Variants in EYS observed in about 807,000 individuals in gnomAD.
The protein encoded by EYS is EGF-like photoreceptor maintenance factor, also known as protein eyes shut homolog.
EYS carries 250 observed loss-of-function variants against 282.1 expected under a neutral mutation model. The observed-to-expected ratio is 0.89, with a 90% CI of 0.80 to 0.98. The LOEUF is 0.98. Among genes scored for constraint, EYS ranks in the 50% least tolerant of loss-of-function variants. The probability of loss-of-function intolerance (pLI) is 0.00; values close to 1 mark genes in which losing one functional copy is unlikely to be tolerated. For synonymous variants in EYS, 1,355 were observed against 1,282.9 expected (o/e 1.06, Z -1.20); for missense variants, 4,016 against 3,709.0 (o/e 1.08, Z -2.15).
chr6:63,799,617 G>A (rs1770735585), intron 37 of EYS, among the ~76,000 whole-genome samples: 2 of 152,184 alleles, frequency 1.3e-5, no homozygotes, highest in African/African-American at 4.8e-5. Context: ...AAAAGAAATG[G>A]AAAGAATTTA....
intron 2 of EYS, among the ~76,000 whole-genome samples, chr6:65,553,805 C>T (rs1032973374): frequency 6.6e-6 from 1 of 151,970 alleles, no homozygotes; most frequent in African/African-American, 2.4e-5. Context: ...AAATCTCAAG[C>T]TGATTTTTAC....
At position 65,179,707 on chromosome 6, in the gene EYS, G is replaced by A. The variant is rs375438813; in HGVS notation, c.2023+116156C>T. On this transcript the variant is annotated intron_variant, in intron 12 of 42. Coordinates refer to ENST00000503581, the MANE Select transcript of EYS (RefSeq NM_001142800.2). ...GGGAATCCTCCCTAACTCATTTTAT[G>A]AGGCCAGTATCATCCTGATACCAAA... Among the ~76,000 whole-genome samples the A allele has an allele frequency of 9.6e-4, 146 of 152,212 alleles. 6 individuals carry two copies. In the South Asian group the frequency reaches 0.03, roughly 31 times the overall value.
chr6:65,098,060 G>A (rs1197032146), intron 12 of EYS, among the ~76,000 whole-genome samples: 1 of 150,062 alleles, frequency 6.7e-6, no homozygotes, highest in Non-Finnish European at 1.5e-5. Flanking sequence ...ATCTCAAAAT[G>A]TCCTACCAAT....
intron 26 of EYS, among the ~76,000 whole-genome samples, chr6:64,481,331 G>A (rs9451731): frequency 0.021 from 3,168 of 148,514 alleles, 60 homozygotes; most frequent in African/African-American, 0.053. Context: ...TTTTCAGAAT[G>A]ATAAAATAGT....
chr6:65,527,249 T>C (rs1767604197), intron 2 of EYS, among the ~76,000 whole-genome samples: 1 of 152,190 alleles, frequency 6.6e-6, no homozygotes, highest in South Asian at 2.1e-4. Flanking sequence ...TACAGACACC[T>C]ATATCACCTC....
chr6:64,449,964 G>C (rs538667651), intron 26 of EYS, among the ~76,000 whole-genome samples: 16 of 152,086 alleles, frequency 1.1e-4, no homozygotes, highest in East Asian at 3.9e-4. Context: ...AGCAAAATAA[G>C]CAGCTAACAT....
At chr6:65,002,556 G>T (rs1455748305) in intron 13 of EYS, among the ~76,000 whole-genome samples, 1 of 147,406 alleles carries the variant, frequency 6.8e-6, no homozygotes, top group African/African-American at 2.4e-5. Context: ...CCTTGATATT[G>T]GCTTTTATTT....
At chr6:64,479,355 C>T (rs1426037349) in intron 26 of EYS, among the ~76,000 whole-genome samples, 1 of 151,936 alleles carries the variant, frequency 6.6e-6, no homozygotes, top group East Asian at 1.9e-4. Context: ...TTGCCTGCTC[C>T]ATAAAATTCA....
intron 21 of EYS, 131 bp from the exon 22 acceptor site, chr6:64,813,708 T>A: frequency 1.9e-6 from 1 of 532,186 alleles, no homozygotes; most frequent in Non-Finnish European, 3.1e-6. Context: ...CTTCCTCTGT[T>A]AATTGAAATA....
At chr6:63,908,185 T>C (rs1262272324) in intron 35 of EYS, among the ~76,000 whole-genome samples, 1 of 151,500 alleles carries the variant, frequency 6.6e-6, no homozygotes, top group Non-Finnish European at 1.5e-5. Flanking sequence ...CAAGTGCAGA[T>C]ATCAAATGTT....
At chr6:64,330,622 T>A (rs1770607604) in intron 29 of EYS, among the ~76,000 whole-genome samples, 1 of 152,106 alleles carries the variant, frequency 6.6e-6, no homozygotes, top group African/African-American at 2.4e-5. Flanking sequence ...TTTGTTCAAG[T>A]GACTAGACTT....
chr6:64,155,092 C>A (rs1044863071), intron 31 of EYS, among the ~76,000 whole-genome samples: 4 of 152,136 alleles, frequency 2.6e-5, no homozygotes, highest in African/African-American at 9.7e-5. Flanking sequence ...GGAGAATGGG[C>A]ATCTGCATGC....
At chr6:63,934,906 AT>A (rs151267146) in intron 35 of EYS, among the ~76,000 whole-genome samples, 3,155 of 152,140 alleles carry the variant, frequency 0.021, 93 homozygotes, top group African/African-American at 0.071. Flanking sequence ...TAATAAAAAA[AT>A]AAAAATAACA....
chr6:64,685,619 G>A lies in EYS; in HGVS notation c.3444-59374C>T, dbSNP rs368476272. On this transcript the variant is annotated intron_variant, in intron 22 of 42. Transcript: ENST00000503581. ...CTGGCTCCCTTTCACATTCCTCCAC[G>A]AGTGGAAACAGCCTGAGGCTTTTGC... is the stretch of plus-strand genomic sequence containing the variant. Among the ~76,000 whole-genome samples, 15 of 152,170 alleles carry A rather than the reference G, an allele frequency of 9.9e-5. No homozygotes were observed. The East Asian group carries it at 2.1e-3, about 22-fold the overall frequency.
chr6:65,422,849 T>A (rs1286924688), intron 5 of EYS, among the ~76,000 whole-genome samples: 1 of 151,778 alleles, frequency 6.6e-6, no homozygotes, highest in Non-Finnish European at 1.5e-5. Flanking sequence ...TGTATATATG[T>A]ATGTTTATGT....
intron 31 of EYS, among the ~76,000 whole-genome samples, chr6:64,124,762 T>C (rs1187856061): frequency 6.6e-6 from 1 of 152,178 alleles, no homozygotes; most frequent in Non-Finnish European, 1.5e-5. Flanking sequence ...ATCATATAAA[T>C]AAAACTCTTC....
intron 22 of EYS, among the ~76,000 whole-genome samples, chr6:64,806,517 C>A (rs1764432778): frequency 6.6e-6 from 1 of 152,038 alleles, no homozygotes; most frequent in Admixed American, 6.6e-5. Flanking sequence ...GATTTTCCTG[C>A]AATCTTTTTA....
chr6:64,836,769 G>A lies in EYS; in HGVS notation c.2993-13947C>T, dbSNP rs9453085. The stretch of plus-strand genomic sequence containing the variant: ...TAGAGAGCAATTTTAGTGAAATGCT[G>A]TAAATAATCTCTTCAAATGTGATAA... On this transcript the variant is annotated intron_variant, in intron 19 of 42. Transcript: ENST00000503581. 1.2e-3 allele frequency among the ~76,000 whole-genome samples: 189 copies of A among 151,672 alleles called. 1 individual carries two copies. Among genetic ancestry groups the A allele is most frequent in the African/African-American group, 4.3e-3 (177 of 41,468 alleles).
chr6:63,720,686 A>G lies in EYS; in HGVS notation c.9345T>C (p.Val3115=), dbSNP rs1402274348. The change falls in exon 43 of 43, where the codon GTT becomes GTC. Residue 3115 remains valine (V), a synonymous_variant. Transcript: ENST00000503581. The stretch of plus-strand genomic sequence containing the variant: ...TGTTTTTTGGTTCCTGAAAAAATAC[A>G]ACATCTTTAATTTTGCCAACAAAAT... ...KTNFVGKIKD[V]VFFQEPKNIE... 4.5e-6 allele frequency: 7 copies of G among 1,545,834 alleles called. No individual in the cohort carries two copies. The highest frequency in any genetic ancestry group is 6.1e-6 in the Non-Finnish European group (7 of 1,145,362).
Sources: allele counts gnomAD v4.1 joint callset (sites outside exome capture counted in the v4.1 genomes callset), GRCh38; gene constraint gnomAD v4.1.1; transcripts MANE v1.5; gene names NCBI Gene and HGNC (gene_info 2026-07-23, HGNC 2026-07-21).